Variants in ALK observed in about 807,000 individuals in gnomAD.
The protein encoded by ALK is ALK tyrosine kinase receptor.
Under a neutral mutation model 163.1 loss-of-function variants are expected in ALK, and 74 were observed. That is an observed-to-expected ratio of 0.45 (90% CI 0.38 to 0.55). The LOEUF (loss-of-function observed/expected upper bound fraction) is 0.55. Ranked by LOEUF, ALK falls within the 20% of genes least tolerant of loss-of-function variation. The pLI is 0.00. For missense variants in ALK, 2,063 were observed against 2,105.3 expected (o/e 0.98, Z 0.39); for synonymous variants, 960 against 843.2 (o/e 1.14, Z -2.40).
At chr2:29,267,998 T>C (rs78616665) in intron 11 of ALK, among the ~76,000 whole-genome samples, 6,637 of 152,318 alleles carry the variant, frequency 0.044, 197 homozygotes, top group Middle Eastern at 0.065. Context: ...TGTCTCTCAC[T>C]TATGCAAGCT....
In ALK at chr2:29,193,341, G is replaced by A. The variant is rs1237752481; in HGVS notation, c.4746C>T (p.Val1582=). Residue 1582 remains valine, a synonymous_variant, in exon 29 of 29, where the codon GTC becomes GTT. Coordinates refer to ENST00000389048, the MANE Select transcript of ALK (RefSeq NM_004304.5). The part of the protein sequence containing the change: ...FRLRHFPCGN[V]NYGYQQQGLP... ...AGCCCTGTTGCTGGTAGCCGTAATT[G>A]ACATTCCCACAAGGGAAGTGACGTA... 4 of 1,614,070 alleles carry A rather than the reference G, an allele frequency of 2.5e-6. No individual in the cohort carries two copies. Among genetic ancestry groups the A allele is most frequent in the African/African-American group, 1.3e-5 (1 of 74,948 alleles).
intron 5 of ALK, among the ~76,000 whole-genome samples, chr2:29,357,961 C>T (rs550097619): frequency 3.3e-5 from 5 of 152,312 alleles, no homozygotes; most frequent in Admixed American, 2.6e-4. Context: ...CTTTGATAAA[C>T]ATAATGTGCA....
intron 4 of ALK, among the ~76,000 whole-genome samples, chr2:29,475,779 C>T (rs1362699882): frequency 1.3e-5 from 2 of 152,152 alleles, no homozygotes; most frequent in Admixed American, 6.5e-5. Flanking sequence ...GCTGAGGCCC[C>T]GATAAAGGCT....
At chr2:29,507,305 T>C (rs72794477) in intron 4 of ALK, among the ~76,000 whole-genome samples, 55,322 of 152,116 alleles carry the variant, frequency 0.36, 11,863 homozygotes, top group South Asian at 0.58. Context: ...TTCTACATTT[T>C]TGAGGTACCT....
intron 3 of ALK, among the ~76,000 whole-genome samples, chr2:29,583,985 C>A (rs918197258): frequency 6.6e-6 from 1 of 152,294 alleles, no homozygotes; most frequent in East Asian, 1.9e-4. Flanking sequence ...TGGCATAAAA[C>A]AAAAACAATT....
intron 1 of ALK, among the ~76,000 whole-genome samples, chr2:29,766,328 T>A (rs552236564): frequency 6.6e-6 from 1 of 152,326 alleles, no homozygotes; most frequent in East Asian, 1.9e-4. Context: ...TTCAGGCTGC[T>A]TAGGATCTTC....
intron 8 of ALK, among the ~76,000 whole-genome samples, chr2:29,314,988 C>G (rs1257995464): frequency 6.6e-6 from 1 of 152,154 alleles, no homozygotes; most frequent in Non-Finnish European, 1.5e-5. Flanking sequence ...CAAGCCTTCC[C>G]TCCCCGGTGG....
chr2:29,224,310 A>G (rs1338842104), intron 19 of ALK, among the ~76,000 whole-genome samples: 1 of 152,204 alleles, frequency 6.6e-6, no homozygotes, highest in Non-Finnish European at 1.5e-5. Flanking sequence ...CATGAGGACC[A>G]GGTCACAGGA....
At chr2:29,233,997 TTTTTTGTTTG>T (rs1450948386) in intron 13 of ALK, among the ~76,000 whole-genome samples, 1 of 151,032 alleles carries the variant, frequency 6.6e-6, no homozygotes, top group Non-Finnish European at 1.5e-5. Flanking sequence ...TAGGGAGTTT[TTTTTTGTTTG>T]TTTTTGTTTT....
chr2:29,518,824 A>G (rs748932420), intron 4 of ALK, among the ~76,000 whole-genome samples: 8 of 152,196 alleles, frequency 5.3e-5, no homozygotes, highest in Admixed American at 1.3e-4. Flanking sequence ...CTAGAGGACA[A>G]ATAGAGGATC....
intron 4 of ALK, among the ~76,000 whole-genome samples, chr2:29,407,692 G>A (rs1022444391): frequency 1.1e-4 from 16 of 152,298 alleles, no homozygotes; most frequent in Admixed American, 9.8e-4. Context: ...CTCACATGCT[G>A]TGGATCAATT....
chr2:29,582,040 G>A (rs1435967162), intron 3 of ALK, among the ~76,000 whole-genome samples: 2 of 152,126 alleles, frequency 1.3e-5, no homozygotes, highest in East Asian at 1.9e-4. Flanking sequence ...AGCATTTATT[G>A]GGCCTTCACT....
intron 2 of ALK, among the ~76,000 whole-genome samples, chr2:29,703,930 T>C (rs2148296670): frequency 6.6e-6 from 1 of 152,312 alleles, no homozygotes; most frequent in Non-Finnish European, 1.5e-5. Context: ...GCAGAAGTCT[T>C]TCTGAATGTC....
At chr2:29,845,780 A>G (rs1204281993) in intron 1 of ALK, among the ~76,000 whole-genome samples, 1 of 152,084 alleles carries the variant, frequency 6.6e-6, no homozygotes, top group African/African-American at 2.4e-5. Flanking sequence ...CATTTCCCCA[A>G]ACTTTTGGAA....
chr2:29,602,934 G>C (rs1388522048), intron 3 of ALK, among the ~76,000 whole-genome samples: 3 of 152,126 alleles, frequency 2.0e-5, no homozygotes, highest in Non-Finnish European at 4.4e-5. Flanking sequence ...ACATATTAAG[G>C]GGACATAAGA....
chr2:29,675,063 C>G (rs1677832615), intron 3 of ALK, among the ~76,000 whole-genome samples: 1 of 151,878 alleles, frequency 6.6e-6, no homozygotes, highest in East Asian at 1.9e-4. Context: ...ATTCTTCTCT[C>G]TTTTTTTCTT....
At chr2:29,694,030 G>C (rs1678480868) in intron 3 of ALK, among the ~76,000 whole-genome samples, 1 of 152,264 alleles carries the variant, frequency 6.6e-6, no homozygotes, top group Middle Eastern at 3.4e-3. Context: ...CTTCCAAAAA[G>C]CCAGGAACAT....
intron 9 of ALK, among the ~76,000 whole-genome samples, chr2:29,281,830 T>C (rs115320568): frequency 6.4e-4 from 97 of 152,344 alleles, no homozygotes; most frequent in African/African-American, 2.2e-3. Flanking sequence ...GAAATGCCGA[T>C]GCTGCTCACG....
intron 2 of ALK, among the ~76,000 whole-genome samples, chr2:29,695,948 C>T (rs1404148369): frequency 6.6e-6 from 1 of 152,204 alleles, no homozygotes; most frequent in East Asian, 1.9e-4. Context: ...TTGTGGAAGA[C>T]AGGGTGGCGA....
Sources: allele counts gnomAD v4.1 joint callset (sites outside exome capture counted in the v4.1 genomes callset), GRCh38; gene constraint gnomAD v4.1.1; transcripts MANE v1.5; gene names NCBI Gene and HGNC (gene_info 2026-07-23, HGNC 2026-07-21).